Variants in TMEM161B observed in about 807,000 individuals in gnomAD.
The protein encoded by TMEM161B is transmembrane protein 161B.
In TMEM161B, 34 loss-of-function variants were observed where a neutral mutation model predicts 61.8. The observed-to-expected ratio is 0.55, with a 90% confidence interval of 0.42 to 0.73. The LOEUF is 0.73. Ranked by LOEUF, TMEM161B falls within the 30% of genes least tolerant of loss-of-function variation. TMEM161B has a pLI of 0.00. For missense variants in TMEM161B, 456 were observed against 558.5 expected (o/e 0.82, Z 1.85); for synonymous variants, 167 against 192.8 (o/e 0.87, Z 1.11).
chr5:88,213,005 A>G (rs1453881968), intron 5 of TMEM161B, among the ~76,000 whole-genome samples: 1 of 152,202 alleles, frequency 6.6e-6, no homozygotes, highest in Non-Finnish European at 1.5e-5. Flanking sequence ...ATTTTTATAT[A>G]AACTGAGTTT....
downstream of TMEM161B, among the ~76,000 whole-genome samples, chr5:88,187,801 T>C (rs183316862): frequency 1.1e-3 from 162 of 152,294 alleles, 1 homozygote; most frequent in African/African-American, 3.7e-3. Context: ...ATTTGTGTAG[T>C]ATTTCATTGG....
intron 8 of TMEM161B, among the ~76,000 whole-genome samples, chr5:88,204,152 G>A (rs763513920): frequency 5.3e-5 from 8 of 152,068 alleles, no homozygotes; most frequent in East Asian, 3.9e-4. Flanking sequence ...CAGAACTCCC[G>A]CTCTAACCTC....
intron 1 of TMEM161B, among the ~76,000 whole-genome samples, chr5:88,260,969 A>C (rs1471346042): frequency 6.6e-6 from 1 of 152,218 alleles, no homozygotes; most frequent in East Asian, 1.9e-4. Flanking sequence ...AGATGTGAAC[A>C]TAAAAATCAT....
At chr5:88,218,270 T>C (rs6864916) in intron 5 of TMEM161B, among the ~76,000 whole-genome samples, 1 of 152,218 alleles carries the variant, frequency 6.6e-6, no homozygotes, top group East Asian at 1.9e-4. Context: ...ATAATTCAGA[T>C]GAGATTCGGT....
intron 1 of TMEM161B, among the ~76,000 whole-genome samples, chr5:88,261,198 T>G (rs1274612361): frequency 1.3e-5 from 2 of 152,068 alleles, no homozygotes; most frequent in African/African-American, 4.8e-5. Flanking sequence ...ATGAATACTT[T>G]GGTATAAATC....
At chr5:88,199,681 C>T (rs1009139305) in intron 9 of TMEM161B, 2 of 152,132 alleles carry the variant, frequency 1.3e-5, no homozygotes, top group African/African-American at 4.8e-5. Flanking sequence ...ATTTAACTTG[C>T]TATGCGTTGA....
At chr5:88,238,264 T>C (rs1392620710) in intron 2 of TMEM161B, among the ~76,000 whole-genome samples, 1 of 151,766 alleles carries the variant, frequency 6.6e-6, no homozygotes, top group Non-Finnish European at 1.5e-5. Flanking sequence ...CGGCTGCAAC[T>C]TCAAACTCTC....
chr5:88,254,186 A>C (rs939663705), intron 1 of TMEM161B, among the ~76,000 whole-genome samples: 24 of 152,176 alleles, frequency 1.6e-4, no homozygotes, highest in African/African-American at 5.8e-4. Context: ...CTGAATTGAA[A>C]GCACATATAG....
chr5:88,203,100 T>C, intron 8 of TMEM161B, 25 bp from the exon 9 acceptor site: 1 of 1,437,144 alleles, frequency 7.0e-7, no homozygotes, highest in Non-Finnish European at 9.8e-7. Flanking sequence ...GAAATAAATA[T>C]AAAAATTCAG....
intron 4 of TMEM161B, among the ~76,000 whole-genome samples, chr5:88,224,024 C>T (rs760148627): frequency 2.6e-5 from 4 of 152,232 alleles, no homozygotes; most frequent in South Asian, 2.1e-4. Flanking sequence ...TAAACTTTCA[C>T]GTATTTCGAA....
intron 3 of TMEM161B, among the ~76,000 whole-genome samples, chr5:88,226,116 A>C (rs982814996): frequency 6.6e-6 from 1 of 152,206 alleles, no homozygotes; most frequent in Non-Finnish European, 1.5e-5. Context: ...TACTGCAACA[A>C]AATCTTTTTT....
chr5:88,225,385 A>C (rs773104168), intron 4 of TMEM161B, among the ~76,000 whole-genome samples: 2 of 152,190 alleles, frequency 1.3e-5, no homozygotes, highest in Admixed American at 6.5e-5. Context: ...AACTGCATAA[A>C]AGTAGGCACC....
At chr5:88,210,878 G>C (rs1746578839) in intron 5 of TMEM161B, among the ~76,000 whole-genome samples, 1 of 152,106 alleles carries the variant, frequency 6.6e-6, no homozygotes, top group Non-Finnish European at 1.5e-5. Flanking sequence ...AAAATGAAAG[G>C]AATCCTCAGA....
chr5:88,192,037 C>G (rs1749002141), downstream of TMEM161B, among the ~76,000 whole-genome samples: 1 of 67,780 alleles, frequency 1.5e-5, no homozygotes, highest in Non-Finnish European at 2.7e-5. Context: ...TGTATATAGC[C>G]ACACATTTAA....
intron 1 of TMEM161B, among the ~76,000 whole-genome samples, chr5:88,266,110 G>A (rs1756342315): frequency 6.6e-6 from 1 of 152,140 alleles, no homozygotes; most frequent in Non-Finnish European, 1.5e-5. Flanking sequence ...TTTCAGTCTG[G>A]ATCATAATCC....
At chr5:88,264,305 T>C (rs1329254654) in intron 1 of TMEM161B, among the ~76,000 whole-genome samples, 3 of 152,134 alleles carry the variant, frequency 2.0e-5, no homozygotes, top group Non-Finnish European at 4.4e-5. Context: ...AAAGAAGACA[T>C]TTATGTGGCC....
At chr5:88,265,092 A>G (rs1756206649) in intron 1 of TMEM161B, among the ~76,000 whole-genome samples, 1 of 152,230 alleles carries the variant, frequency 6.6e-6, no homozygotes. Context: ...CCCAGAACTT[A>G]AAGTAAAATT....
chr5:88,232,405 T>C (rs1751152632), intron 2 of TMEM161B, among the ~76,000 whole-genome samples: 1 of 152,112 alleles, frequency 6.6e-6, no homozygotes, highest in South Asian at 2.1e-4. Flanking sequence ...AGAAGAACAC[T>C]TATAAGAAAT....
In TMEM161B at chr5:88,198,959, T is replaced by A; in HGVS notation, c.1089+17A>T. ...GGTTTTTGCTATTTTTCATTTTGAC[T>A]AGGGTATAAAACTTACCATTTTCTG... is the stretch of plus-strand genomic sequence containing the variant. On this transcript the variant is annotated intron_variant, in intron 10 of 11. Transcript: ENST00000296595. The A allele has an allele frequency of 6.3e-7, 1 of 1,584,856 alleles. No homozygotes were observed. Among genetic ancestry groups the A allele is most frequent in the Non-Finnish European group, 8.6e-7 (1 of 1,168,914 alleles).
Sources: gnomAD v4.1 joint callset for allele counts (sites outside exome capture counted in the v4.1 genomes callset) on GRCh38, gnomAD v4.1.1 for gene constraint, MANE v1.5 for transcripts, NCBI Gene and HGNC (gene_info 2026-07-23, HGNC 2026-07-21) for gene names.